Variants in CORIN observed in about 807,000 individuals in gnomAD.
The protein encoded by CORIN is corin, serine peptidase.
A neutral mutation model predicts 125.3 loss-of-function variants in CORIN; 117 were observed. That is an observed-to-expected ratio of 0.93 (90% CI 0.80 to 1.09). The LOEUF is 1.09. CORIN is among the 50% of genes least tolerant of loss of function. The pLI is 0.00. For missense variants in CORIN, 1,253 were observed against 1,306.7 expected (o/e 0.96, Z 0.63); for synonymous variants, 450 against 466.4 (o/e 0.96, Z 0.45).
chr4:47,781,765 G>A (rs1021604276), intron 3 of CORIN, among the ~76,000 whole-genome samples: 3 of 151,842 alleles, frequency 2.0e-5, no homozygotes, highest in Non-Finnish European at 2.9e-5. Flanking sequence ...TGGTGAAACC[G>A]TGTCTCTAGT....
chr4:47,739,309 A>G (rs959940598), intron 5 of CORIN, among the ~76,000 whole-genome samples: 1 of 152,136 alleles, frequency 6.6e-6, no homozygotes, highest in African/African-American at 2.4e-5. Flanking sequence ...GAGATAAGCA[A>G]CTCATCAGAT....
chr4:47,608,896 A>G (rs1187894298), intron 19 of CORIN, among the ~76,000 whole-genome samples: 1 of 152,190 alleles, frequency 6.6e-6, no homozygotes, highest in African/African-American at 2.4e-5. Flanking sequence ...TTTTCACTCA[A>G]TTCAGCTAGT....
chr4:47,711,195 C>T (rs1288386904), intron 5 of CORIN, among the ~76,000 whole-genome samples: 2 of 152,174 alleles, frequency 1.3e-5, no homozygotes, highest in Non-Finnish European at 2.9e-5. Context: ...CTGCCACACC[C>T]ACCAAAGTCC....
chr4:47,748,629 AT>A (rs1728767418), intron 4 of CORIN, among the ~76,000 whole-genome samples: 1 of 152,178 alleles, frequency 6.6e-6, no homozygotes, highest in African/African-American at 2.4e-5. Flanking sequence ...ATCTATAAAA[AT>A]GTTAGAGAAT....
At chr4:47,715,861 C>A (rs1577856552) in intron 5 of CORIN, among the ~76,000 whole-genome samples, 2 of 152,190 alleles carry the variant, frequency 1.3e-5, no homozygotes, top group East Asian at 3.9e-4. Flanking sequence ...TTTCTTGTTC[C>A]TAAGAAGTAT....
At chr4:47,751,317 T>C (rs865803032) in intron 4 of CORIN, among the ~76,000 whole-genome samples, 3 of 152,236 alleles carry the variant, frequency 2.0e-5, no homozygotes, top group Admixed American at 2.0e-4. Context: ...ATATACATTA[T>C]GTTTTTGGTG....
At chr4:47,744,257 T>C (rs947268868) in intron 5 of CORIN, 145 bp downstream of exon 5, 81 of 725,154 alleles carry the variant, frequency 1.1e-4, no homozygotes, top group Non-Finnish European at 1.7e-4. Flanking sequence ...TAATATTCTA[T>C]TCCTTGATCT....
At chr4:47,641,626 A>C (rs531663063) in intron 16 of CORIN, among the ~76,000 whole-genome samples, 1 of 152,340 alleles carries the variant, frequency 6.6e-6, no homozygotes, top group East Asian at 1.9e-4. Context: ...GATTCCTCAA[A>C]GGAAATGATT....
chr4:47,738,801 C>T (rs571394689), intron 5 of CORIN, among the ~76,000 whole-genome samples: 23 of 151,956 alleles, frequency 1.5e-4, no homozygotes, highest in African/African-American at 5.5e-4. Flanking sequence ...CTAAGGAACA[C>T]ATTTCTAGAG....
chr4:47,640,646 T>G (rs1257525221), intron 16 of CORIN, among the ~76,000 whole-genome samples: 1 of 152,218 alleles, frequency 6.6e-6, no homozygotes, highest in East Asian at 1.9e-4. Context: ...ATTTTATGGA[T>G]GTGTATTTTA....
At chr4:47,690,034 T>G (rs1010445995) in intron 6 of CORIN, among the ~76,000 whole-genome samples, 2 of 152,174 alleles carry the variant, frequency 1.3e-5, no homozygotes, top group African/African-American at 2.4e-5. Context: ...AATCTTTTCA[T>G]CCAACAAATA....
At chr4:47,767,601 A>C (rs1454677180) in intron 3 of CORIN, among the ~76,000 whole-genome samples, 1 of 152,236 alleles carries the variant, frequency 6.6e-6, no homozygotes, top group East Asian at 1.9e-4. Context: ...GAATGATAAC[A>C]ATGAGCTATT....
rs184435177 is a variant in CORIN at position 47,625,999 on chromosome 4, T to C, written c.2315+406A>G. Reference sequence around the variant, plus strand: ...TACTTTCAAGGCAACTTGATTATAATTTCATTTTTGTGTCTATTCCTCTCT... The same window carrying C: ...TACTTTCAAGGCAACTTGATTATAACTTCATTTTTGTGTCTATTCCTCTCT... On this transcript the variant is annotated intron_variant, in intron 17 of 21. Coordinates refer to ENST00000273857, the MANE Select transcript of CORIN (RefSeq NM_006587.4). 7.5e-3 allele frequency among the ~76,000 whole-genome samples: 1,139 copies of C among 152,334 alleles called. 5 individuals carry two copies. Among genetic ancestry groups the C allele is most frequent in the Non-Finnish European group, 0.011 (758 of 68,022 alleles).
chr4:47,762,053 C>T (rs142894609), intron 4 of CORIN, among the ~76,000 whole-genome samples: 61 of 151,974 alleles, frequency 4.0e-4, no homozygotes, highest in African/African-American at 1.4e-3. Context: ...TGTATACACA[C>T]ATATATGCAC....
intron 3 of CORIN, among the ~76,000 whole-genome samples, chr4:47,772,113 A>ATAGATAGATAGATAGG (rs1181951973): frequency 2.0e-5 from 3 of 151,332 alleles, no homozygotes; most frequent in African/African-American, 4.9e-5. Flanking sequence ...AGATAGATAG[A>ATAGATAGATAGATAGG]TAGGTAGATA....
chr4:47,667,200 CCAT>C (rs1473763572), intron 10 of CORIN, among the ~76,000 whole-genome samples: 2 of 152,198 alleles, frequency 1.3e-5, no homozygotes, highest in Non-Finnish European at 2.9e-5. Context: ...TTACCTTCCA[CCAT>C]GATTGTGAGG....
chr4:47,760,237 A>T (rs1729385116), intron 4 of CORIN, among the ~76,000 whole-genome samples: 2 of 152,222 alleles, frequency 1.3e-5, no homozygotes, highest in Non-Finnish European at 2.9e-5. Context: ...ATCTCCTCTT[A>T]CATCTCCGTA....
chr4:47,617,558 AC>A (rs1367398942), intron 19 of CORIN, among the ~76,000 whole-genome samples: 1 of 152,228 alleles, frequency 6.6e-6, no homozygotes, highest in Non-Finnish European at 1.5e-5. Context: ...GGTCAGAGTC[AC>A]CTAGGGATTT....
intron 5 of CORIN, among the ~76,000 whole-genome samples, chr4:47,721,699 A>G (rs974567811): frequency 6.6e-6 from 1 of 152,216 alleles, no homozygotes; most frequent in Non-Finnish European, 1.5e-5. Context: ...AGGAAGAATA[A>G]CCATAATCCT....
Sources: gnomAD v4.1 joint callset for allele counts (sites outside exome capture counted in the v4.1 genomes callset) on GRCh38, gnomAD v4.1.1 for gene constraint, MANE v1.5 for transcripts, NCBI Gene and HGNC (gene_info 2026-07-23, HGNC 2026-07-21) for gene names.